The following FMN1 variants were observed in gnomAD, a reference collection of about 807,000 sequenced individuals.
The protein encoded by FMN1 is formin-1.
In FMN1, 110 loss-of-function variants were observed where a neutral mutation model predicts 132.4. The observed-to-expected ratio is 0.83, with a 90% CI of 0.71 to 0.97. The LOEUF (loss-of-function observed/expected upper bound fraction) is 0.97, where lower values mean the gene tolerates loss of function less well. Ranked by LOEUF, FMN1 falls within the 50% of genes least tolerant of loss-of-function variation. The pLI is 0.00. For synonymous variants in FMN1, 722 were observed against 651.7 expected, an observed-to-expected ratio of 1.11 and a Z score of -1.64; for missense variants, 1,792 against 1,705.3, an observed-to-expected ratio of 1.05 and a Z score of -0.90.
intron 3 of FMN1, among the ~76,000 whole-genome samples, chr15:33,168,245 G>C (rs1470513951): frequency 1.3e-5 from 2 of 152,176 alleles, no homozygotes; most frequent in African/African-American, 4.8e-5. Context: ...ACTTCAGGGA[G>C]AAATAATGAA....
At chr15:32,973,095 C>T (rs1487679045) in intron 7 of FMN1, among the ~76,000 whole-genome samples, 2 of 152,170 alleles carry the variant, frequency 1.3e-5, no homozygotes, top group African/African-American at 2.4e-5. Flanking sequence ...CAAATTCAAC[C>T]ACTTTGGTTC....
rs535407744 is a variant in FMN1 at position 32,892,901 on chromosome 15, A to G, written c.3715-4609T>C. ...TTGTACATCTTCCCCACTAGACTCTAAACACCTCAGAGGCAGAAACTGTGT... is the reference window on the plus strand; with the variant it reads ...TTGTACATCTTCCCCACTAGACTCTGAACACCTCAGAGGCAGAAACTGTGT... On this transcript the variant is annotated intron_variant, in intron 15 of 20. Coordinates refer to ENST00000616417, the MANE Select transcript of FMN1 (RefSeq NM_001277313.2). Among the ~76,000 whole-genome samples the G allele has an allele frequency of 2.6e-5, 4 of 152,296 alleles. No individual in the cohort carries two copies. In the East Asian group the frequency reaches 7.7e-4, roughly 29 times the overall value.
chr15:33,006,020 T>C (rs527824378), intron 7 of FMN1, among the ~76,000 whole-genome samples: 162 of 152,322 alleles, frequency 1.1e-3, no homozygotes, highest in Middle Eastern at 3.4e-3. Flanking sequence ...CTTGAATTCA[T>C]ACACCATACT....
intron 9 of FMN1, among the ~76,000 whole-genome samples, chr15:32,941,052 C>T (rs2061390788): frequency 2.0e-5 from 3 of 152,034 alleles, no homozygotes; most frequent in Admixed American, 2.0e-4. Context: ...GCCTTATCCC[C>T]ACGTAACATA....
chr15:33,161,580 A>G (rs1964891100), intron 3 of FMN1, among the ~76,000 whole-genome samples: 1 of 151,978 alleles, frequency 6.6e-6, no homozygotes, highest in South Asian at 2.1e-4. Flanking sequence ...TCTCCTTTCC[A>G]TCCACCCTGG....
chr15:33,078,644 C>CA (rs5811729), intron 5 of FMN1, among the ~76,000 whole-genome samples: 43,638 of 133,090 alleles, frequency 0.33, 6,542 homozygotes, highest in Admixed American at 0.38. Context: ...CAAAAGGCAA[C>CA]AAAAAAAAAA....
At chr15:32,980,368 G>C (rs1596388551) in intron 7 of FMN1, among the ~76,000 whole-genome samples, 1 of 151,246 alleles carries the variant, frequency 6.6e-6, no homozygotes, top group African/African-American at 2.4e-5. Flanking sequence ...CTCTGCATAA[G>C]GCTGCTATGT....
intron 15 of FMN1, among the ~76,000 whole-genome samples, chr15:32,892,370 C>A (rs554207246): frequency 2.6e-5 from 4 of 152,152 alleles, no homozygotes; most frequent in Non-Finnish European, 5.9e-5. Context: ...TATTAACTTG[C>A]GTATGTTAAA....
At chr15:32,823,434 G>C (rs917911180) in intron 17 of FMN1, among the ~76,000 whole-genome samples, 1 of 152,036 alleles carries the variant, frequency 6.6e-6, no homozygotes, top group Admixed American at 6.6e-5. Flanking sequence ...AAAGTGCTGG[G>C]ATTACAGGTG....
intron 17 of FMN1, among the ~76,000 whole-genome samples, chr15:32,834,722 A>AG (rs1298808394): frequency 6.6e-6 from 1 of 152,222 alleles, no homozygotes; most frequent in Admixed American, 6.5e-5. Flanking sequence ...AAATAAAGGT[A>AG]ATCTAGGTAG....
intron 7 of FMN1, among the ~76,000 whole-genome samples, chr15:33,006,975 ATCT>A (rs1566817331): frequency 6.6e-6 from 1 of 152,098 alleles, no homozygotes; most frequent in Admixed American, 6.6e-5. Context: ...ATTCAAGATG[ATCT>A]TCTGTACAAC....
chr15:33,068,614 T>C (rs1174904137), intron 5 of FMN1, among the ~76,000 whole-genome samples: 3 of 143,162 alleles, frequency 2.1e-5, no homozygotes, highest in Non-Finnish European at 3.1e-5. Context: ...AAGCAGTTAA[T>C]TTACTGCCCT....
intron 8 of FMN1, among the ~76,000 whole-genome samples, chr15:32,965,438 A>G (rs924852501): frequency 3.3e-5 from 5 of 152,156 alleles, no homozygotes; most frequent in Non-Finnish European, 7.4e-5. Context: ...AATGCCCACA[A>G]ATTTCATCTA....
chr15:32,941,205 G>C (rs1182184522), intron 9 of FMN1, among the ~76,000 whole-genome samples: 1 of 152,152 alleles, frequency 6.6e-6, no homozygotes, highest in African/African-American at 2.4e-5. Context: ...TAGGTTCTTG[G>C]GGGGAAAAGT....
At chr15:32,842,554 G>A (rs1353361967) in intron 17 of FMN1, among the ~76,000 whole-genome samples, 1 of 152,190 alleles carries the variant, frequency 6.6e-6, no homozygotes, top group Non-Finnish European at 1.5e-5. Flanking sequence ...AAGTTCCAGA[G>A]GCAAAGACTG....
At chr15:32,823,015 G>T (rs1050413003) in intron 17 of FMN1, among the ~76,000 whole-genome samples, 11 of 152,040 alleles carry the variant, frequency 7.2e-5, no homozygotes, top group Non-Finnish European at 2.9e-5. Flanking sequence ...TCTATCTTGG[G>T]GAGAACAGAG....
Position 32,875,029 on chromosome 15 carries a change from C to A in FMN1, c.3835+13143G>T, listed in dbSNP as rs143688853. Among the ~76,000 whole-genome samples, 417 of 152,288 alleles carry A rather than the reference C, an allele frequency of 2.7e-3. 3 individuals are homozygous for A. The highest frequency in any genetic ancestry group is 9.7e-3 in the African/African-American group (404 of 41,554). On this transcript the variant is annotated intron_variant, in intron 16 of 20. Transcript: ENST00000616417. The stretch of plus-strand genomic sequence containing the variant: ...GTTTCTGGTCCAGCGGGTCCTGGTC[C>A]TCCATGCTGACTTGGACATATTGCC...
intron 4 of FMN1, among the ~76,000 whole-genome samples, chr15:33,128,823 AAG>A (rs1963392068): frequency 6.6e-6 from 1 of 152,224 alleles, no homozygotes; most frequent in Admixed American, 6.5e-5. Context: ...CAAAATAACA[AAG>A]CCTCCGCAAT....
chr15:32,840,733 C>G (rs1334610701), intron 17 of FMN1, among the ~76,000 whole-genome samples: 1 of 152,086 alleles, frequency 6.6e-6, no homozygotes, highest in Non-Finnish European at 1.5e-5. Flanking sequence ...GGAAATGGTA[C>G]AAACATGAGA....
Sources: gnomAD v4.1 joint callset for allele counts (sites outside exome capture counted in the v4.1 genomes callset) on GRCh38, gnomAD v4.1.1 for gene constraint, MANE v1.5 for transcripts, NCBI Gene and HGNC (gene_info 2026-07-23, HGNC 2026-07-21) for gene names.